The following CRAMP1 variants were observed in gnomAD, a reference collection of about 807,000 sequenced individuals.
CRAMP1 encodes cramped chromatin regulator 1.
In CRAMP1, 50 loss-of-function variants were observed where a neutral mutation model predicts 115.4. The observed-to-expected ratio is 0.43, with a 90% CI of 0.35 to 0.55. The LOEUF (loss-of-function observed/expected upper bound fraction) is 0.55, where lower values mean the gene tolerates loss of function less well. Among genes scored for constraint, CRAMP1 ranks in the 20% least tolerant of loss-of-function variants. The pLI, the probability that CRAMP1 is intolerant of heterozygous loss-of-function variation, is 0.01. For synonymous variants in CRAMP1, 866 were observed against 745.4 expected (o/e 1.16, Z -2.64); for missense variants, 1,679 against 1,721.7 (o/e 0.98, Z 0.44).
At chr16:1,629,665 A>G (rs546726470) in intron 3 of CRAMP1, among the ~76,000 whole-genome samples, 1 of 152,234 alleles carries the variant, frequency 6.6e-6, no homozygotes, top group East Asian at 1.9e-4. Flanking sequence ...AAGTTGCTTC[A>G]TCGTGGTTCT....
chr16:1,669,009 G>A lies in CRAMP1; in HGVS notation c.3343G>A (p.Val1115Ile), dbSNP rs750593408. ...GGGATCTTGGTTGGCAGGTGAAGGAGTCCCTCTTTCTCCAGCAAAACTGAA... is the reference window on the plus strand; with the variant it reads ...GGGATCTTGGTTGGCAGGTGAAGGAATCCCTCTTTCTCCAGCAAAACTGAA... ...AISSGQYGEG[V>I]PLSPAKLNGS... Residue 1115 changes from valine to isoleucine, a missense_variant, in exon 19 of 21, where the codon GTC (valine) becomes ATC (isoleucine). By Grantham distance (29) the Val-to-Ile change is conservative. Coordinates refer to ENST00000397412, the MANE Select transcript of CRAMP1 (RefSeq NM_020825.4). This position sits in a 1 kb window ranked among gnomAD's most constrained non-coding sequence, Gnocchi z 4.6. 2.3e-5 allele frequency: 37 copies of A among 1,613,000 alleles called. No individual in the cohort carries two copies. Among genetic ancestry groups the A allele is most frequent in the Middle Eastern group, 3.3e-4 (2 of 6,080 alleles).
chr16:1,671,267 G>A lies in CRAMP1; in HGVS notation c.3645+458G>A, dbSNP rs748536063. On this transcript the variant is annotated intron_variant, in intron 20 of 20. Coordinates refer to ENST00000397412, the MANE Select transcript of CRAMP1 (RefSeq NM_020825.4). The surrounding 1 kb of genome is among the most constrained non-coding windows in gnomAD (Gnocchi z 5.0). The stretch of plus-strand genomic sequence containing the variant: ...GCATCTCCCTGTCATGTTGAGCTGC[G>A]GTGCAGGGGAACTGGGATGGGCTCT... Among the ~76,000 whole-genome samples, 57 of 152,180 alleles carry A rather than the reference G, an allele frequency of 3.7e-4. No individual in the cohort carries two copies. Among genetic ancestry groups the A allele is most frequent in the African/African-American group, 1.3e-3 (52 of 41,444 alleles).
intron 2 of CRAMP1, among the ~76,000 whole-genome samples, chr16:1,616,758 T>G (rs1163420657): frequency 6.6e-6 from 1 of 152,190 alleles, no homozygotes; most frequent in African/African-American, 2.4e-5. Flanking sequence ...AAATGCAAAT[T>G]TATTAGAATT....
chr16:1,667,927 C>T, intron 17 of CRAMP1, 35 bp from the exon 18 acceptor site: 1 of 1,380,230 alleles, frequency 7.2e-7, no homozygotes, highest in Non-Finnish European at 1.0e-6. Flanking sequence ...TCTGATAGAC[C>T]TGGTTGTGTC....
intron 17 of CRAMP1, 91 bp from the exon 18 acceptor site, chr16:1,667,871 C>G: frequency 1.3e-6 from 1 of 792,618 alleles, no homozygotes; most frequent in East Asian, 2.7e-5. Flanking sequence ...ATTGATTTGC[C>G]TGCAAGCTAG....
At chr16:1,642,143 C>A (rs563820585) in intron 6 of CRAMP1, among the ~76,000 whole-genome samples, 2 of 152,344 alleles carry the variant, frequency 1.3e-5, no homozygotes, top group South Asian at 2.1e-4. Flanking sequence ...CCACCCGCAC[C>A]CAAGAGCCCT....
rs2036541769 is a variant in CRAMP1, at chr16:1,630,636, A to G, written c.541-1576A>G. On this transcript the variant is annotated intron_variant, in intron 3 of 20. Transcript: ENST00000397412. ...ATTAACAAGGGTCCCACTCAGGTCC[A>G]TCCTGGCCAGGACGCTGCGCCGCAC... Among the ~76,000 whole-genome samples the G allele has an allele frequency of 2.6e-5, 4 of 152,192 alleles. No individual in the cohort carries two copies. In the South Asian group the frequency reaches 8.3e-4, roughly 32 times the overall value.
At chr16:1,638,778 T>C (rs1170173819) in intron 5 of CRAMP1, among the ~76,000 whole-genome samples, 1 of 151,916 alleles carries the variant, frequency 6.6e-6, no homozygotes, top group Admixed American at 6.6e-5. Context: ...AGTCGCCCTG[T>C]CTGTGCCAGG....
At chr16:1,628,456 G>A (rs946048376) in intron 3 of CRAMP1, among the ~76,000 whole-genome samples, 5 of 152,178 alleles carry the variant, frequency 3.3e-5, no homozygotes, top group Admixed American at 1.3e-4. Flanking sequence ...GTTTCGCCAC[G>A]TTGGTCAGGC....
chr16:1,615,984 C>T (rs943120070), intron 2 of CRAMP1, among the ~76,000 whole-genome samples: 2 of 152,194 alleles, frequency 1.3e-5, no homozygotes, highest in African/African-American at 4.8e-5. Context: ...AGATCTGTGC[C>T]ACATGTGTTC....
intron 2 of CRAMP1, among the ~76,000 whole-genome samples, chr16:1,616,981 AT>A (rs547298817): frequency 3.1e-3 from 424 of 137,450 alleles, no homozygotes; most frequent in Admixed American, 3.7e-3. Context: ...CACCCAGCTA[AT>A]TTTTTTTTTT....
At position 1,666,631 on chromosome 16, in the gene CRAMP1, T is replaced by TA. The variant is rs2036878962; in HGVS notation, c.3036+32dup. 1 of 1,594,278 alleles carries TA rather than the reference T, an allele frequency of 6.3e-7. No individual in the cohort carries two copies. The highest frequency in any genetic ancestry group is 8.6e-7 in the Non-Finnish European group (1 of 1,163,232). ...TATGTTTAGAAGGGCTTTTCAGCAT[T>TA]ACCACCAACTTCTGGTGTGGACGCC... On this transcript the variant is annotated intron_variant, in intron 16 of 20. Coordinates refer to ENST00000397412, the MANE Select transcript of CRAMP1 (RefSeq NM_020825.4). The surrounding 1 kb of genome is among the most constrained non-coding windows in gnomAD (Gnocchi z 5.0).
chr16:1,656,256 C>T lies in CRAMP1; in HGVS notation c.1499C>T (p.Ala500Val), dbSNP rs1394319006. The T allele has an allele frequency of 6.2e-7, 1 of 1,610,950 alleles. No homozygotes were observed. The highest frequency in any genetic ancestry group is 1.7e-5 in the Admixed American group (1 of 59,964). ...GAAAGCGCCCCCGGGGAGGGGGCTGCCCTAAGCTTGAGCAGCCCGGACGCT... is the reference window on the plus strand; with the variant it reads ...GAAAGCGCCCCCGGGGAGGGGGCTGTCCTAAGCTTGAGCAGCCCGGACGCT... ...SPESAPGEGA[A>V]LSLSSPDAPD... The change falls in exon 10 of 21, where the codon GCC becomes GTC. Residue 500 changes from alanine (A) to valine (V), a missense_variant. Ala to Val is a moderately conservative substitution (Grantham distance 64). This residue lies in a region of CRAMP1 where 405 missense variants were observed against 302.6 expected (regional missense o/e 1.34). Coordinates refer to ENST00000397412, the MANE Select transcript of CRAMP1 (RefSeq NM_020825.4). This position sits in a 1 kb window ranked among gnomAD's most constrained non-coding sequence, Gnocchi z 5.6.
At chr16:1,617,250 G>T (rs1028516222) in intron 2 of CRAMP1, among the ~76,000 whole-genome samples, 1 of 152,196 alleles carries the variant, frequency 6.6e-6, no homozygotes, top group Non-Finnish European at 1.5e-5. Flanking sequence ...GGAGCTTCCC[G>T]GGAAGGAAGG....
Position 1,669,773 on chromosome 16 carries a change from G to A in CRAMP1, c.3499+608G>A, listed in dbSNP as rs742312. Among the ~76,000 whole-genome samples, 9,708 of 152,216 alleles carry A rather than the reference G, an allele frequency of 0.064. 332 individuals carry two copies. Among genetic ancestry groups the A allele is most frequent in the East Asian group, 0.09 (463 of 5,172 alleles). ...AGAGAGCTCCCATTTGGATGTCTGG[G>A]GTCTTCCCGCCCACAGTTGTACGGG... is the stretch of plus-strand genomic sequence containing the variant. On this transcript the variant is annotated intron_variant, in intron 19 of 20. Transcript: ENST00000397412. The surrounding 1 kb of genome is among the most constrained non-coding windows in gnomAD (Gnocchi z 4.6).
intron 13 of CRAMP1, among the ~76,000 whole-genome samples, chr16:1,664,224 G>A (rs565294562): frequency 1.3e-5 from 2 of 152,190 alleles, no homozygotes; most frequent in African/African-American, 2.4e-5. Flanking sequence ...TGATGAACAC[G>A]GTTTCTCAGA....
intron 2 of CRAMP1, among the ~76,000 whole-genome samples, chr16:1,615,630 A>G (rs1320773717): frequency 1.3e-5 from 2 of 152,246 alleles, no homozygotes; most frequent in Admixed American, 1.3e-4. Flanking sequence ...TTCTGAGGTG[A>G]TGGAGAATGT....
chr16:1,615,474 C>G (rs1377893876), intron 2 of CRAMP1, among the ~76,000 whole-genome samples: 6 of 152,170 alleles, frequency 3.9e-5, no homozygotes, highest in African/African-American at 9.7e-5. Flanking sequence ...TCCTCTCCTT[C>G]AAGTGCTCCT....
intron 3 of CRAMP1, among the ~76,000 whole-genome samples, chr16:1,628,366 G>A (rs2036523095): frequency 6.6e-6 from 1 of 152,214 alleles, no homozygotes; most frequent in Admixed American, 6.5e-5. Context: ...CGATTCTCCT[G>A]CTTCAGCCTC....
Sources: allele counts gnomAD v4.1 joint callset (sites outside exome capture counted in the v4.1 genomes callset), GRCh38; gene constraint gnomAD v4.1.1; regional missense constraint gnomAD v4.1.1; non-coding constraint Gnocchi (gnomAD v3.1); transcripts MANE v1.5; gene names NCBI Gene and HGNC (gene_info 2026-07-23, HGNC 2026-07-21).